Variants in XG observed in about 807,000 individuals in gnomAD.
XG encodes the protein glycoprotein Xg.
XG carries 24 observed loss-of-function variants against 25.7 expected under a neutral mutation model. The observed-to-expected ratio is 0.93, with a 90% CI of 0.68 to 1.31. The LOEUF (loss-of-function observed/expected upper bound fraction) is 1.31. Among genes scored for constraint, XG ranks in the 40% most tolerant of loss-of-function variants. The pLI is 0.00. For synonymous variants in XG, 77 were observed against 69.2 expected, an observed-to-expected ratio of 1.11 and a Z score of -0.56; for missense variants, 181 against 187.6, an observed-to-expected ratio of 0.96 and a Z score of 0.21.
intron 2 of XG, among the ~76,000 whole-genome samples, chrX:2,773,256 T>G (rs1160797429): frequency 5.6e-4 from 53 of 94,496 alleles, no homozygotes; most frequent in Admixed American, 9.9e-4. Context: ...GGAGAGGAGA[T>G]AAGAAAAGAC....
At chrX:2,790,270 G>A (rs2086824191) in intron 5 of XG, among the ~76,000 whole-genome samples, 1 of 110,850 alleles carries the variant, frequency 9.0e-6, no homozygotes, top group East Asian at 2.8e-4. Context: ...GGAAGCCGAG[G>A]TGGGCGGATC....
chrX:2,756,594 TAA>T (rs1348516889), intron 1 of XG, among the ~76,000 whole-genome samples: 3 of 86,672 alleles, frequency 3.5e-5, no homozygotes, highest in Non-Finnish European at 7.4e-5. Context: ...CAATTAAAAA[TAA>T]ATTAAAAGAA....
intron 1 of XG, chrX:2,752,937 G>A (rs1178775355): frequency 2.8e-5 from 28 of 985,220 alleles, no homozygotes; most frequent in South Asian, 9.4e-5. Context: ...TTTCAGTTCC[G>A]TACGAGGACC....
At chrX:2,797,262 C>T (rs370578832) in intron 6 of XG, 48 bp from the exon 7 acceptor site, 18 of 1,189,136 alleles carry the variant, frequency 1.5e-5, no homozygotes, top group South Asian at 1.1e-4. Flanking sequence ...GGAAACCCCA[C>T]GCTCAGACAC....
In XG at chrX:2,752,422, T is replaced by G. The variant is rs2050352536; in HGVS notation, c.61+87T>G. On this transcript the variant is annotated intron_variant, in intron 1 of 10. Coordinates refer to ENST00000644266, the MANE Select transcript of XG (RefSeq NM_001141919.2). ...AAGAAACTCTTTCCAAAGGAGTTGC[T>G]ATGAAGTGAATGGGGATAATTTGCC... 1.9e-6 allele frequency: 3 copies of G among 1,583,082 alleles called. No homozygotes were observed. The African/African-American group carries it at 4.1e-5, about 21-fold the overall frequency.
chrX:2,777,965 G>T (rs1268335667), intron 3 of XG, among the ~76,000 whole-genome samples: 1 of 152,138 alleles, frequency 6.6e-6, no homozygotes, highest in Non-Finnish European at 1.5e-5. Flanking sequence ...CAAAGAGAAG[G>T]TGAAAATAGC....
chrX:2,814,511 G>C lies in XG; in HGVS notation c.*131G>C, dbSNP rs2087087256. ...TAAAGTGTGTTTTCTTCTGTGTAAA[G>C]TACATGAGCTGCCTCACTAAGCATT... On this transcript the variant is annotated 3_prime_UTR_variant, in exon 11 of 11. Coordinates refer to ENST00000644266, the MANE Select transcript of XG (RefSeq NM_001141919.2). 1 of 804,172 alleles carries C rather than the reference G, an allele frequency of 1.2e-6. No individual in the cohort carries two copies. Among genetic ancestry groups the C allele is most frequent in the Non-Finnish European group, 1.7e-6 (1 of 581,240 alleles). The allele number at this position is 804,172 out of a possible 1,213,427, so 66.3% of individuals were successfully genotyped here. A position where few individuals can be genotyped will look rare whatever the true frequency, so the allele number is the denominator to read the frequency against.
intron 1 of XG, among the ~76,000 whole-genome samples, chrX:2,765,431 G>T (rs775179518): frequency 7.3e-6 from 1 of 136,260 alleles, no homozygotes; most frequent in South Asian, 2.2e-4. Flanking sequence ...TTGCTTGAAA[G>T]GGCTTTGTTT....
chrX:2,773,252 G>A, intron 2 of XG, among the ~76,000 whole-genome samples: 1 of 147,248 alleles, frequency 6.8e-6, no homozygotes, highest in Non-Finnish European at 1.5e-5. Context: ...GAAAGGAGAG[G>A]AGATAAGAAA....
intron 7 of XG, among the ~76,000 whole-genome samples, chrX:2,799,729 T>C (rs2086917524): frequency 9.0e-6 from 1 of 111,613 alleles, no homozygotes; most frequent in African/African-American, 3.3e-5. Context: ...TTTCATCTTG[T>C]AGCCATTTTA....
At chrX:2,774,806 G>C in intron 3 of XG, 67 bp downstream of exon 3, 3 of 1,592,066 alleles carry the variant, frequency 1.9e-6, no homozygotes, top group East Asian at 2.2e-5. Context: ...GGAGGGGATG[G>C]TTGAGGATGT....
In XG at chrX:2,772,513, CAG is replaced by C. The variant is rs767510029; in HGVS notation, c.103+1928_103+1929del. Among the ~76,000 whole-genome samples, 75 of 152,160 alleles carry C rather than the reference CAG, an allele frequency of 4.9e-4. 1 individual carries two copies. The South Asian group carries it at 0.015, about 30-fold the overall frequency. On this transcript the variant is annotated intron_variant, in intron 2 of 10. Transcript: ENST00000644266. The stretch of plus-strand genomic sequence containing the variant: ...ATGAAATGTCCAGAATAGGCAAATT[CAG>C]AGAGACAGAAAGTGGATTAGCGATT...
intron 5 of XG, among the ~76,000 whole-genome samples, chrX:2,793,580 A>C (rs2086856336): frequency 8.9e-6 from 1 of 112,140 alleles, no homozygotes; most frequent in African/African-American, 3.2e-5. Context: ...TCTGCCTTGC[A>C]GGTGCCTCTT....
At chrX:2,808,146 C>T in intron 8 of XG, 39 bp from the exon 9 acceptor site, 5 of 1,207,154 alleles carry the variant, frequency 4.1e-6, no homozygotes, top group Non-Finnish European at 5.6e-6. Context: ...CCTCCATAAG[C>T]TCTGCTGAAT....
intron 3 of XG, among the ~76,000 whole-genome samples, chrX:2,778,268 C>T (rs1208999384): frequency 5.3e-5 from 8 of 152,250 alleles, no homozygotes; most frequent in South Asian, 2.1e-4. Flanking sequence ...TGGAGCTGGG[C>T]GTGGTGGCTC....
At chrX:2,808,626 C>G (rs1027225905) in intron 9 of XG, 3 of 690,034 alleles carry the variant, frequency 4.3e-6, no homozygotes, top group Non-Finnish European at 5.2e-6. Flanking sequence ...CTGTCAATCC[C>G]GTCTCAGGTC....
intron 5 of XG, among the ~76,000 whole-genome samples, chrX:2,792,413 C>G (rs1393867129): frequency 9.0e-6 from 1 of 111,334 alleles, no homozygotes; most frequent in Non-Finnish European, 1.9e-5. Context: ...CAGCTCACTG[C>G]AGCCTCCACC....
chrX:2,816,422 A>C lies in XG; in HGVS notation c.*2042A>C, dbSNP rs1035636684. On this transcript the variant is annotated 3_prime_UTR_variant, in exon 11 of 11. Coordinates refer to ENST00000644266, the MANE Select transcript of XG (RefSeq NM_001141919.2). ...ACTGAGACAGCAGGACCAACCCTCC[A>C]TCTACTCAATGGGAAGATGATAAGG... The C allele has an allele frequency of 3.6e-5, 4 of 112,110 alleles. No homozygotes were observed. The allele number at this position is 112,110 out of a possible 1,213,427, so 9.2% of individuals were successfully genotyped here. A position where few individuals can be genotyped will look rare whatever the true frequency, so the allele number is the denominator to read the frequency against.
chrX:2,799,030 C>T (rs773674204), intron 7 of XG, among the ~76,000 whole-genome samples: 43 of 110,517 alleles, frequency 3.9e-4, no homozygotes, highest in Non-Finnish European at 6.4e-4. Context: ...TGGATATACA[C>T]GCAAACCTTC....
Sources: allele counts gnomAD v4.1 joint callset (sites outside exome capture counted in the v4.1 genomes callset), GRCh38; gene constraint gnomAD v4.1.1; transcripts MANE v1.5; gene names NCBI Gene and HGNC (gene_info 2026-07-23, HGNC 2026-07-21).